XPO1: variants seen among roughly 807,000 people sequenced by gnomAD.
XPO1 encodes exportin-1.
A neutral mutation model predicts 133.3 loss-of-function variants in XPO1; 5 were observed. That is an observed-to-expected ratio of 0.04 (90% CI 0.02 to 0.08). The LOEUF is 0.08. XPO1 is among the 10% of genes least tolerant of loss of function. The pLI is 1.00. For synonymous variants in XPO1, 419 were observed against 408.2 expected (o/e 1.03, Z -0.32); for missense variants, 506 against 1,267.5 (o/e 0.40, Z 9.12).
intron 4 of XPO1, among the ~76,000 whole-genome samples, chr2:61,508,687 A>G (rs1290400835): frequency 6.6e-6 from 1 of 152,228 alleles, no homozygotes. Context: ...TTTTATATGA[A>G]CAGAATTCAC....
chr2:61,494,284 A>G (rs1697132987), intron 11 of XPO1, 193 bp from the exon 12 acceptor site: 2 of 519,724 alleles, frequency 3.8e-6, no homozygotes, highest in Non-Finnish European at 6.8e-6. Context: ...AAGCACTTCA[A>G]AAATCTCTCA....
intron 22 of XPO1, 98 bp downstream of exon 22, chr2:61,482,859 A>G (rs1696466888): frequency 6.8e-7 from 1 of 1,465,684 alleles, no homozygotes; most frequent in Non-Finnish European, 9.3e-7. Context: ...TCCTGACCTC[A>G]TAATCTCCCC....
chr2:61,491,452 A>G (rs2104418975), intron 16 of XPO1, among the ~76,000 whole-genome samples: 1 of 118,536 alleles, frequency 8.4e-6, no homozygotes, highest in Middle Eastern at 4.2e-3. Flanking sequence ...CTCCATCTCA[A>G]AAAACAAACA....
At chr2:61,504,911 G>A (rs1039314532) in intron 4 of XPO1, among the ~76,000 whole-genome samples, 3 of 152,160 alleles carry the variant, frequency 2.0e-5, no homozygotes, top group Admixed American at 1.3e-4. Context: ...GTAAAGCAAC[G>A]TAATACATGT....
intron 3 of XPO1, among the ~76,000 whole-genome samples, chr2:61,524,459 C>T: frequency 6.6e-6 from 1 of 152,134 alleles, no homozygotes; most frequent in East Asian, 1.9e-4. Context: ...AGATACAATT[C>T]ATATTTCATC....
chr2:61,514,878 C>T (rs1225339790), intron 4 of XPO1, among the ~76,000 whole-genome samples: 1 of 151,848 alleles, frequency 6.6e-6, no homozygotes, highest in Non-Finnish European at 1.5e-5. Context: ...AGTTTGAGAC[C>T]AGCCAGGCCA....
Position 61,498,832 on chromosome 2 carries a change from ATTG to A in XPO1, c.639+30_639+32del, listed in dbSNP as rs1379869946. Reference sequence around the variant, plus strand: ...ACTTGTAAATAATTGCTTTCCTATTATTGTTTTTAAAAATGAAATTAAAAACAC... The same window carrying A: ...ACTTGTAAATAATTGCTTTCCTATTATTTTTAAAAATGAAATTAAAAACAC... On this transcript the variant is annotated intron_variant, in intron 8 of 24. Coordinates refer to ENST00000401558, the MANE Select transcript of XPO1 (RefSeq NM_003400.4). 3.1e-6 allele frequency: 5 copies of A among 1,608,416 alleles called. No homozygotes were observed. The African/African-American group carries it at 5.4e-5, about 17-fold the overall frequency.
chr2:61,538,560 G>C (rs1302878959), upstream of XPO1: 1 of 152,766 alleles, frequency 6.5e-6, no homozygotes, highest in Non-Finnish European at 1.5e-5. Flanking sequence ...GGCAAGAGGA[G>C]AGGGGTGGAG....
intron 2 of XPO1, among the ~76,000 whole-genome samples, chr2:61,532,725 C>T (rs1017353962): frequency 2.7e-5 from 4 of 150,714 alleles, no homozygotes; most frequent in African/African-American, 7.3e-5. Context: ...CCCAGCTACT[C>T]GGGAGGCTAA....
intron 5 of XPO1, 101 bp from the exon 6 acceptor site, chr2:61,502,141 TGA>T (rs1697558419): frequency 6.7e-7 from 1 of 1,501,124 alleles, no homozygotes. Flanking sequence ...TGTAAATGAC[TGA>T]CTGTGCATAT....
At chr2:61,506,748 A>T (rs1470476620) in intron 4 of XPO1, among the ~76,000 whole-genome samples, 1 of 152,154 alleles carries the variant, frequency 6.6e-6, no homozygotes, top group Non-Finnish European at 1.5e-5. Flanking sequence ...TCTAGGTAGA[A>T]AATCGAAATG....
At chr2:61,511,763 T>C (rs1698108649) in intron 4 of XPO1, among the ~76,000 whole-genome samples, 2 of 151,540 alleles carry the variant, frequency 1.3e-5, no homozygotes, top group South Asian at 4.2e-4. Context: ...TTTTCTTTTC[T>C]TTTTTTTCTT....
chr2:61,522,108 C>T lies in XPO1; in HGVS notation c.301+503G>A, dbSNP rs553581729. On this transcript the variant is annotated intron_variant, in intron 4 of 24. Transcript: ENST00000401558. ...TTTGGAGATGGGGTCTCACTCTTGT[C>T]ACCCAGGCTGAAGTGCAGTGGCAGG... is the stretch of plus-strand genomic sequence containing the variant. Among the ~76,000 whole-genome samples the T allele has an allele frequency of 7.6e-4, 115 of 150,620 alleles. 1 individual carries two copies. In the South Asian group the frequency reaches 7.9e-3, roughly 10 times the overall value.
chr2:61,510,345 CT>C (rs1698027744), intron 4 of XPO1, among the ~76,000 whole-genome samples: 2 of 152,154 alleles, frequency 1.3e-5, no homozygotes, highest in African/African-American at 4.8e-5. Flanking sequence ...GTGATCTGCT[CT>C]CTTTACTTAC....
intron 5 of XPO1, 94 bp downstream of exon 5, chr2:61,502,155 T>C (rs779553752): frequency 5.9e-6 from 9 of 1,520,490 alleles, no homozygotes; most frequent in Non-Finnish European, 8.1e-6. Flanking sequence ...TGTGCATATG[T>C]GTGACTATGT....
At chr2:61,514,480 C>G (rs1698258405) in intron 4 of XPO1, among the ~76,000 whole-genome samples, 1 of 151,512 alleles carries the variant, frequency 6.6e-6, no homozygotes, top group Non-Finnish European at 1.5e-5. Flanking sequence ...GTAGTCTCAG[C>G]TACTCAGGAG....
Position 61,538,277 on chromosome 2 carries a change from C to A in XPO1, c.-722G>T. 1 of 158,252 alleles carries A rather than the reference C, an allele frequency of 6.3e-6. No individual in the cohort carries two copies. 9.8% of individuals were successfully genotyped at this position (158,252 alleles called of 1,614,324 possible). A position where few individuals can be genotyped will look rare whatever the true frequency, so the allele number is the denominator to read the frequency against. On this transcript the variant is annotated 5_prime_UTR_variant, in exon 1 of 25. Coordinates refer to ENST00000401558, the MANE Select transcript of XPO1 (RefSeq NM_003400.4). Reference sequence around the variant, plus strand: ...TCCTCCTAGTGCCTCAAACTCGGAACCGGTTGAAACCGGTTCAGACTGGGA... The same window carrying A: ...TCCTCCTAGTGCCTCAAACTCGGAAACGGTTGAAACCGGTTCAGACTGGGA...
rs903775131 is a variant in XPO1, at chr2:61,500,786, G to A, written c.409-892C>T. Among the ~76,000 whole-genome samples, 10 of 152,056 alleles carry A rather than the reference G, an allele frequency of 6.6e-5. 1 individual carries two copies. In the East Asian group the frequency reaches 1.4e-3, roughly 21 times the overall value. The stretch of plus-strand genomic sequence containing the variant: ...TGCACTCCAGCATGGGCGACAGAGC[G>A]ACACTCCATTTCAAACAAGAAAAGA... On this transcript the variant is annotated intron_variant, in intron 6 of 24. Transcript: ENST00000401558.
chr2:61,496,245 CCT>C (rs1697236601), intron 10 of XPO1, among the ~76,000 whole-genome samples: 1 of 151,928 alleles, frequency 6.6e-6, no homozygotes, highest in Non-Finnish European at 1.5e-5. Flanking sequence ...AGGGATTTAC[CCT>C]GTCATCCAGG....
Sources: allele counts gnomAD v4.1 joint callset (sites outside exome capture counted in the v4.1 genomes callset), GRCh38; gene constraint gnomAD v4.1.1; transcripts MANE v1.5; gene names NCBI Gene and HGNC (gene_info 2026-07-23, HGNC 2026-07-21).